Variants in DIS3L2 observed in about 807,000 individuals in gnomAD.
DIS3L2 encodes the protein DIS3 like 3'-5' exoribonuclease 2, also known as DIS3-like exonuclease 2.
In DIS3L2, 34 loss-of-function variants were observed where a neutral mutation model predicts 97.5. The observed-to-expected ratio is 0.35, with a 90% CI of 0.27 to 0.46. DIS3L2 has a LOEUF of 0.46. Among genes scored for constraint, DIS3L2 ranks in the 20% least tolerant of loss-of-function variants. DIS3L2 has a pLI of 1.00. For synonymous variants in DIS3L2, 435 were observed against 445.2 expected (o/e 0.98, Z 0.29); for missense variants, 1,038 against 1,146.0 (o/e 0.91, Z 1.36).
intron 1 of DIS3L2, among the ~76,000 whole-genome samples, chr2:232,010,626 C>G (rs1268386311): frequency 6.6e-6 from 1 of 151,648 alleles, no homozygotes; most frequent in African/African-American, 2.4e-5. Flanking sequence ...TGGACTTTAT[C>G]TCTTTGAGTT....
chr2:232,113,565 T>C (rs1293805210), intron 6 of DIS3L2, among the ~76,000 whole-genome samples: 1 of 152,186 alleles, frequency 6.6e-6, no homozygotes, highest in African/African-American at 2.4e-5. Flanking sequence ...TCACCCTTTT[T>C]CCATCTTCAT....
chr2:232,031,590 T>G (rs1238136555), intron 5 of DIS3L2, among the ~76,000 whole-genome samples: 1 of 151,946 alleles, frequency 6.6e-6, no homozygotes, highest in African/African-American at 2.4e-5. Flanking sequence ...CATGGTGGTT[T>G]GCTGCACCCA....
intron 14 of DIS3L2, among the ~76,000 whole-genome samples, chr2:232,321,788 G>GC (rs34007839): frequency 1.3e-4 from 20 of 152,076 alleles, no homozygotes; most frequent in African/African-American, 4.1e-4. Context: ...CAAACAAGAG[G>GC]CCCCCCCTTT....
intron 7 of DIS3L2, among the ~76,000 whole-genome samples, chr2:232,135,331 G>A (rs752187773): frequency 6.6e-6 from 1 of 152,234 alleles, no homozygotes; most frequent in East Asian, 1.9e-4. Flanking sequence ...GAAGAGTAAA[G>A]GTCTGGGTGT....
At chr2:232,163,093 C>A (rs1559692093) in intron 8 of DIS3L2, among the ~76,000 whole-genome samples, 1 of 152,100 alleles carries the variant, frequency 6.6e-6, no homozygotes, top group Non-Finnish European at 1.5e-5. Context: ...GTAAGCATGA[C>A]TTAACGTACA....
chr2:232,085,933 A>G lies in DIS3L2; in HGVS notation c.367-1554A>G, dbSNP rs558600019. Among the ~76,000 whole-genome samples, 307 of 152,146 alleles carry G rather than the reference A, an allele frequency of 2.0e-3. 1 individual carries two copies. The highest frequency in any genetic ancestry group is 2.6e-3 in the Non-Finnish European group (174 of 67,980). ...GTAATCTTCCCACTTCAGCCTCCCA[A>G]GTAGCTAGGACTACAGGCGCCCTGC... On this transcript the variant is annotated intron_variant, in intron 5 of 20. Coordinates refer to ENST00000325385, the MANE Select transcript of DIS3L2 (RefSeq NM_152383.5).
chr2:232,244,824 G>A (rs72996118), intron 11 of DIS3L2, among the ~76,000 whole-genome samples: 1,816 of 152,278 alleles, frequency 0.012, 17 homozygotes, highest in Non-Finnish European at 0.018. Context: ...CGTGGGGAAG[G>A]AGCTAACAAA....
chr2:232,191,793 T>C (rs1691624830), intron 9 of DIS3L2, among the ~76,000 whole-genome samples: 1 of 152,252 alleles, frequency 6.6e-6, no homozygotes, highest in Non-Finnish European at 1.5e-5. Context: ...TTAGAATTCC[T>C]AGGATAGGAG....
At position 232,336,840 on chromosome 2, in the gene DIS3L2, G is replaced by A; in HGVS notation, c.*210G>A. On this transcript the variant is annotated 3_prime_UTR_variant, in exon 21 of 21. Coordinates refer to ENST00000325385, the MANE Select transcript of DIS3L2 (RefSeq NM_152383.5). Reference sequence around the variant, plus strand: ...GGAAGGCTGAGGCCTGGTCAGCAGTGACCCCAGCAGAGCAGGCCCCAGTCC... The same window carrying A: ...GGAAGGCTGAGGCCTGGTCAGCAGTAACCCCAGCAGAGCAGGCCCCAGTCC... 1 of 1,395,346 alleles carries A rather than the reference G, an allele frequency of 7.2e-7. No homozygotes were observed. The highest frequency in any genetic ancestry group is 9.3e-7 in the Non-Finnish European group (1 of 1,077,816). The allele number at this position is 1,395,346 out of a possible 1,614,324, so 86.4% of individuals were successfully genotyped here. A position where few individuals can be genotyped will look rare whatever the true frequency, so the allele number is the denominator to read the frequency against.
chr2:232,118,122 C>G (rs568780765), intron 6 of DIS3L2, among the ~76,000 whole-genome samples: 2 of 152,320 alleles, frequency 1.3e-5, no homozygotes, highest in Non-Finnish European at 2.9e-5. Flanking sequence ...GCTGCCTGCT[C>G]CATGGGCCTC....
chr2:232,076,563 A>G (rs1372415403), intron 5 of DIS3L2, among the ~76,000 whole-genome samples: 1 of 152,144 alleles, frequency 6.6e-6, no homozygotes, highest in Non-Finnish European at 1.5e-5. Flanking sequence ...GCTACATGGC[A>G]TCTCTATTTT....
chr2:232,295,734 G>A (rs751381382), intron 13 of DIS3L2, among the ~76,000 whole-genome samples: 7 of 152,104 alleles, frequency 4.6e-5, no homozygotes, highest in South Asian at 2.1e-4. Context: ...CTTTCTATTC[G>A]TTTTTCAACC....
intron 6 of DIS3L2, among the ~76,000 whole-genome samples, chr2:232,090,328 C>G (rs898657169): frequency 2.6e-5 from 4 of 152,022 alleles, no homozygotes; most frequent in Non-Finnish European, 5.9e-5. Flanking sequence ...CCTTCCTAGC[C>G]CACTGTTATT....
At chr2:232,255,508 C>A (rs1409374163) in intron 12 of DIS3L2, among the ~76,000 whole-genome samples, 2 of 152,172 alleles carry the variant, frequency 1.3e-5, no homozygotes, top group East Asian at 3.8e-4. Flanking sequence ...TAAACACTCA[C>A]AAGAAAATCT....
intron 5 of DIS3L2, among the ~76,000 whole-genome samples, chr2:232,072,127 G>C (rs984269051): frequency 6.6e-6 from 1 of 152,132 alleles, no homozygotes; most frequent in South Asian, 2.1e-4. Flanking sequence ...TGCTTTGAGG[G>C]GAAGGACCAG....
intron 11 of DIS3L2, among the ~76,000 whole-genome samples, chr2:232,243,149 C>T (rs1693150804): frequency 6.6e-6 from 1 of 152,164 alleles, no homozygotes; most frequent in South Asian, 2.1e-4. Flanking sequence ...TCCAAGAAGG[C>T]TTCACAAAGC....
chr2:232,173,020 C>A, intron 9 of DIS3L2, among the ~76,000 whole-genome samples: 1 of 152,076 alleles, frequency 6.6e-6, no homozygotes, highest in East Asian at 1.9e-4. Flanking sequence ...TTTCTGTATT[C>A]CAAACACTGG....
At chr2:232,155,200 T>C (rs1288548995) in intron 8 of DIS3L2, among the ~76,000 whole-genome samples, 1 of 118,514 alleles carries the variant, frequency 8.4e-6, no homozygotes, top group African/African-American at 4.1e-5. Context: ...ACCGGAGCTG[T>C]TCCTATTCAG....
chr2:232,278,124 T>G (rs1694191652), intron 13 of DIS3L2, among the ~76,000 whole-genome samples: 1 of 152,136 alleles, frequency 6.6e-6, no homozygotes, highest in Non-Finnish European at 1.5e-5. Flanking sequence ...ATACGATAGA[T>G]TGGAAATTGT....
Sources: allele counts gnomAD v4.1 joint callset (sites outside exome capture counted in the v4.1 genomes callset), GRCh38; gene constraint gnomAD v4.1.1; transcripts MANE v1.5; gene names NCBI Gene and HGNC (gene_info 2026-07-23, HGNC 2026-07-21).